Variants in NBEA observed in about 807,000 individuals in gnomAD.
NBEA encodes the protein neurobeachin.
Under a neutral mutation model 343.4 loss-of-function variants are expected in NBEA, and 44 were observed. That is an observed-to-expected ratio of 0.13 (90% CI 0.10 to 0.16). The LOEUF (loss-of-function observed/expected upper bound fraction) is 0.16. Among genes scored for constraint, NBEA ranks in the 10% least tolerant of loss-of-function variants. The probability of loss-of-function intolerance (pLI) is 1.00; values close to 1 mark genes in which losing one functional copy is unlikely to be tolerated. For missense variants in NBEA, 2,555 were observed against 3,631.3 expected, an observed-to-expected ratio of 0.70 and a Z score of 7.62; for synonymous variants, 1,175 against 1,238.7, an observed-to-expected ratio of 0.95 and a Z score of 1.08.
intron 31 of NBEA, among the ~76,000 whole-genome samples, chr13:35,197,096 C>A (rs2072670183): frequency 6.6e-6 from 1 of 152,082 alleles, no homozygotes; most frequent in Non-Finnish European, 1.5e-5. Context: ...TATTTAAAAA[C>A]ATGTGCAAGA....
At chr13:35,524,573 A>G (rs2077880364) in intron 41 of NBEA, among the ~76,000 whole-genome samples, 1 of 152,224 alleles carries the variant, frequency 6.6e-6, no homozygotes, top group Non-Finnish European at 1.5e-5. Flanking sequence ...CCTTCAAGTC[A>G]GATTGGTATA....
intron 12 of NBEA, 33 bp downstream of exon 12, chr13:35,109,475 G>T (rs756410569): frequency 5.2e-6 from 8 of 1,541,500 alleles, no homozygotes; most frequent in Non-Finnish European, 7.0e-6. Context: ...GTTTGATTTA[G>T]TGTAATGTTA....
At chr13:35,560,604 G>A (rs777822960) in intron 44 of NBEA, among the ~76,000 whole-genome samples, 1 of 152,144 alleles carries the variant, frequency 6.6e-6, no homozygotes, top group African/African-American at 2.4e-5. Context: ...TGGGCAGAAG[G>A]AGGATTCAGA....
rs545791490 is a variant in NBEA, at chr13:35,175,189, G to A, written c.4554+1595G>A. On this transcript the variant is annotated intron_variant, in intron 27 of 58. Coordinates refer to ENST00000379939, the MANE Select transcript of NBEA (RefSeq NM_001385012.1). ...GTGTTCTGGCTTTACCACTTAACTGGTTTTGCGACCTGAGAGAAATCTCTT... is the reference window on the plus strand; with the variant it reads ...GTGTTCTGGCTTTACCACTTAACTGATTTTGCGACCTGAGAGAAATCTCTT... Among the ~76,000 whole-genome samples, 3 of 152,208 alleles carry A rather than the reference G, an allele frequency of 2.0e-5. No homozygotes were observed. In the East Asian group the frequency reaches 5.8e-4, roughly 29 times the overall value.
At chr13:35,587,412 G>A (rs567326745) in intron 46 of NBEA, among the ~76,000 whole-genome samples, 234 of 152,174 alleles carry the variant, frequency 1.5e-3, no homozygotes, top group African/African-American at 5.2e-3. Flanking sequence ...ACCCTGGGAG[G>A]CCTTTTCATA....
intron 41 of NBEA, among the ~76,000 whole-genome samples, chr13:35,512,868 G>C (rs2077332522): frequency 6.6e-6 from 1 of 152,164 alleles, no homozygotes; most frequent in Admixed American, 6.5e-5. Context: ...CTGTGGCTGA[G>C]CCCATTTCTC....
In NBEA at chr13:35,159,021, T is replaced by C; in HGVS notation, c.2850T>C (p.Thr950=). 1 of 1,591,458 alleles carries C rather than the reference T, an allele frequency of 6.3e-7. No homozygotes were observed. Among genetic ancestry groups the C allele is most frequent in the African/African-American group, 1.4e-5 (1 of 73,706 alleles). The change falls in exon 22 of 59, where the codon ACT becomes ACC. Residue 950 remains threonine (T), a synonymous_variant. Transcript: ENST00000379939. The part of the protein sequence containing the change: ...DTLSIAHSKV[T]YEAHKEYLAK... The stretch of plus-strand genomic sequence containing the variant: ...TTTCTTTACTTATTCCTAAGGTCAC[T>C]TATGAAGCTCATAAGGAATACCTAG...
intron 34 of NBEA, among the ~76,000 whole-genome samples, chr13:35,281,872 A>G (rs1394663865): frequency 6.6e-6 from 1 of 152,034 alleles, no homozygotes; most frequent in Non-Finnish European, 1.5e-5. Context: ...TATACACACT[A>G]TGCTTAAAAG....
intron 39 of NBEA, among the ~76,000 whole-genome samples, chr13:35,441,839 A>C (rs2045754805): frequency 6.6e-6 from 1 of 151,710 alleles, no homozygotes; most frequent in Non-Finnish European, 1.5e-5. Flanking sequence ...GTGAAAAAAA[A>C]AAAAAAAAGA....
chr13:35,271,742 A>G (rs548707367), intron 34 of NBEA, among the ~76,000 whole-genome samples: 1 of 152,334 alleles, frequency 6.6e-6, no homozygotes, highest in South Asian at 2.1e-4. Context: ...GATCAAGTTG[A>G]AGAAAGGATA....
intron 46 of NBEA, among the ~76,000 whole-genome samples, chr13:35,592,426 CA>C (rs1566375564): frequency 6.6e-6 from 1 of 152,064 alleles, no homozygotes; most frequent in Non-Finnish European, 1.5e-5. Context: ...CAATTAAAAC[CA>C]GTGTGATAAA....
chr13:35,550,364 T>C (rs1463612882), intron 41 of NBEA, 113 bp from the exon 42 acceptor site: 6 of 612,682 alleles, frequency 9.8e-6, no homozygotes, highest in Non-Finnish European at 1.6e-5. Flanking sequence ...GACAATGTTG[T>C]GACAGACAGT....
chr13:35,348,419 C>G lies in NBEA; in HGVS notation c.5904-689C>G, dbSNP rs576647330. ...CCTGTTGAGGTTGAAAATTTGGTGACTAGGGGACATAGTGAGAGGCTTTTC... is the reference window on the plus strand; with the variant it reads ...CCTGTTGAGGTTGAAAATTTGGTGAGTAGGGGACATAGTGAGAGGCTTTTC... On this transcript the variant is annotated intron_variant, in intron 36 of 58. Transcript: ENST00000379939. Among the ~76,000 whole-genome samples the G allele has an allele frequency of 8.2e-4, 124 of 152,076 alleles. 1 individual carries two copies. Among genetic ancestry groups the G allele is most frequent in the Admixed American group, 2.6e-3 (39 of 15,252 alleles).
At chr13:35,050,439 A>C (rs2063025318) in intron 6 of NBEA, 44 bp downstream of exon 6, 4 of 1,569,802 alleles carry the variant, frequency 2.5e-6, no homozygotes, top group Non-Finnish European at 3.5e-6. Context: ...GTTATGACAG[A>C]ATTCTTAACT....
intron 34 of NBEA, among the ~76,000 whole-genome samples, chr13:35,241,552 C>G (rs2030283148): frequency 6.6e-6 from 1 of 151,570 alleles, no homozygotes; most frequent in Middle Eastern, 3.4e-3. Context: ...AAAAAAATCA[C>G]CATATTAAAA....
intron 48 of NBEA, among the ~76,000 whole-genome samples, chr13:35,610,682 A>G (rs1319846695): frequency 1.3e-5 from 2 of 152,176 alleles, no homozygotes; most frequent in Non-Finnish European, 2.9e-5. Flanking sequence ...AGCACAACCT[A>G]TAAAAGAAAA....
chr13:35,307,888 C>T (rs972631310), intron 35 of NBEA, among the ~76,000 whole-genome samples: 4 of 151,916 alleles, frequency 2.6e-5, no homozygotes, highest in Admixed American at 6.6e-5. Context: ...TTGTTTTATA[C>T]AGAAATTGTT....
At chr13:35,641,517 A>G (rs2153073568) in intron 49 of NBEA, among the ~76,000 whole-genome samples, 1 of 152,354 alleles carries the variant, frequency 6.6e-6, no homozygotes, top group East Asian at 1.9e-4. Context: ...CTACCGATAC[A>G]TACAACAAGG....
chr13:35,108,101 G>C (rs1237588504), intron 11 of NBEA, among the ~76,000 whole-genome samples: 3 of 152,042 alleles, frequency 2.0e-5, no homozygotes, highest in Non-Finnish European at 4.4e-5. Context: ...AAATTGGTAA[G>C]ACAATTTCAT....
Sources: allele counts gnomAD v4.1 joint callset (sites outside exome capture counted in the v4.1 genomes callset), GRCh38; gene constraint gnomAD v4.1.1; transcripts MANE v1.5; gene names NCBI Gene and HGNC (gene_info 2026-07-23, HGNC 2026-07-21).